Variants in CD226 observed in about 807,000 individuals in gnomAD.
The protein encoded by CD226 is CD226 antigen.
Under a neutral mutation model 34.9 loss-of-function variants are expected in CD226, and 24 were observed. That is an observed-to-expected ratio of 0.69 (90% confidence interval 0.50 to 0.97). CD226 has a LOEUF of 0.97. Ranked by LOEUF, CD226 falls within the 50% of genes least tolerant of loss-of-function variation. The pLI is 0.00. For missense variants in CD226, 397 were observed against 412.7 expected, an observed-to-expected ratio of 0.96 and a Z score of 0.33; for synonymous variants, 148 against 147.4, an observed-to-expected ratio of 1.00 and a Z score of -0.03.
intron 3 of CD226, among the ~76,000 whole-genome samples, chr18:69,879,967 C>T (rs552537625): frequency 3.7e-4 from 56 of 152,294 alleles, no homozygotes; most frequent in Non-Finnish European, 7.5e-4. Context: ...CACAGGTTTA[C>T]GCTGTGTCAA....
chr18:69,856,924 G>A lies in CD226; in HGVS notation c.*7390C>T, dbSNP rs559627538. 1 of 152,192 alleles carries A rather than the reference G, an allele frequency of 6.6e-6. No individual in the cohort carries two copies. Among genetic ancestry groups the A allele is most frequent in the African/African-American group, 2.4e-5 (1 of 41,540 alleles). The allele number at this position is 152,192 out of a possible 1,614,324, so 9.4% of individuals were successfully genotyped here. On this transcript the variant is annotated 3_prime_UTR_variant, in exon 6 of 6. Transcript: ENST00000582621. ...TGGCTCACTCCTGTAATCCCAGCAC[G>A]TTGGGAGGCCGAGGCGGGCGGATCA...
At chr18:69,951,543 G>A (rs1309960794), upstream of CD226, among the ~76,000 whole-genome samples, 1 of 152,100 alleles carries the variant, frequency 6.6e-6, no homozygotes, top group Non-Finnish European at 1.5e-5. Context: ...TGAATGTGGG[G>A]CTCAGATGGC....
At chr18:69,886,565 G>T (rs991301535) in intron 3 of CD226, among the ~76,000 whole-genome samples, 1 of 152,062 alleles carries the variant, frequency 6.6e-6, no homozygotes, top group Non-Finnish European at 1.5e-5. Context: ...AATTAGCTGG[G>T]CATGGTGGCA....
intron 2 of CD226, among the ~76,000 whole-genome samples, chr18:69,944,028 A>G (rs759341542): frequency 6.6e-6 from 1 of 150,600 alleles, no homozygotes; most frequent in Non-Finnish European, 1.5e-5. Flanking sequence ...TTTACAGTAT[A>G]CAAAAGTACA....
chr18:69,871,713 C>T (rs975201109), intron 4 of CD226, among the ~76,000 whole-genome samples: 1 of 152,184 alleles, frequency 6.6e-6, no homozygotes, highest in African/African-American at 2.4e-5. Flanking sequence ...AATGGGTGTG[C>T]TTCAGTTTCC....
chr18:69,907,175 C>A (rs2055265018), intron 2 of CD226, among the ~76,000 whole-genome samples: 1 of 152,174 alleles, frequency 6.6e-6, no homozygotes, highest in Non-Finnish European at 1.5e-5. Context: ...CTAATGGGTC[C>A]TTTTCACATT....
At chr18:69,919,082 A>G (rs554208491) in intron 2 of CD226, among the ~76,000 whole-genome samples, 16 of 152,386 alleles carry the variant, frequency 1.0e-4, no homozygotes, top group African/African-American at 1.4e-4. Context: ...TGAAGAAAAA[A>G]GAGCCGAAAG....
rs1409858025 is a variant in CD226, at chr18:69,895,896, A to G, written c.532T>C (p.Tyr178His). Residue 178 changes from tyrosine to histidine, a missense_variant, in exon 3 of 6, where the codon TAC (tyrosine) becomes CAC (histidine). Tyr to His is a moderately conservative substitution (Grantham distance 83). Transcript: ENST00000582621. ...TTTCTGCCATGGACCAAGTTGCAGT[A>G]AGTTAAGAGGTCGATCTGACGGGGC... ...IQPRQIDLLTYCNLVHGRNFT... is the reference protein window; with the variant it reads ...IQPRQIDLLTHCNLVHGRNFT... 2 of 1,614,028 alleles carry G rather than the reference A, an allele frequency of 1.2e-6. No individual in the cohort carries two copies. Among genetic ancestry groups the G allele is most frequent in the African/African-American group, 1.3e-5 (1 of 74,904 alleles).
chr18:69,892,890 T>G (rs1283559567), intron 3 of CD226, among the ~76,000 whole-genome samples: 2 of 152,224 alleles, frequency 1.3e-5, no homozygotes, highest in African/African-American at 4.8e-5. Context: ...TACAGCAATT[T>G]ATAAAATCTG....
intron 3 of CD226, among the ~76,000 whole-genome samples, chr18:69,877,264 G>T (rs892390611): frequency 6.6e-6 from 1 of 152,112 alleles, no homozygotes; most frequent in African/African-American, 2.4e-5. Context: ...TAGAGCTCAA[G>T]AAAACACATT....
intron 2 of CD226, among the ~76,000 whole-genome samples, chr18:69,945,591 T>C (rs2055779354): frequency 1.3e-5 from 2 of 152,158 alleles, no homozygotes; most frequent in Non-Finnish European, 2.9e-5. Context: ...TGGTGGTTCA[T>C]GCCAGTAATC....
Position 69,857,949 on chromosome 18 carries a change from A to G in CD226, c.*6365T>C, listed in dbSNP as rs1982658610. On this transcript the variant is annotated 3_prime_UTR_variant, in exon 6 of 6. Coordinates refer to ENST00000582621, the MANE Select transcript of CD226 (RefSeq NM_001303618.2). ...GTAGTATGTTACCAAAAAAAATGGTAGTTCTTGTAAAGGTATACCTGTGTC... is the reference window on the plus strand; with the variant it reads ...GTAGTATGTTACCAAAAAAAATGGTGGTTCTTGTAAAGGTATACCTGTGTC... 1 of 152,218 alleles carries G rather than the reference A, an allele frequency of 6.6e-6. No homozygotes were observed. 9.4% of individuals were successfully genotyped at this position (152,218 alleles called of 1,614,324 possible). A position where few individuals can be genotyped will look rare whatever the true frequency, so the allele number is the denominator to read the frequency against.
intron 2 of CD226, among the ~76,000 whole-genome samples, chr18:69,923,706 C>T (rs1397269569): frequency 6.6e-6 from 1 of 152,298 alleles, no homozygotes; most frequent in East Asian, 1.9e-4. Flanking sequence ...GTAATCCCAG[C>T]ACTTTGGGAG....
chr18:69,910,342 T>C (rs1392240600), intron 2 of CD226, among the ~76,000 whole-genome samples: 1 of 152,194 alleles, frequency 6.6e-6, no homozygotes, highest in Non-Finnish European at 1.5e-5. Flanking sequence ...GCTGCGTGGA[T>C]ATGAGGTACC....
At chr18:69,868,490 T>A (rs1300625738) in intron 4 of CD226, among the ~76,000 whole-genome samples, 4 of 152,258 alleles carry the variant, frequency 2.6e-5, no homozygotes, top group African/African-American at 9.6e-5. Flanking sequence ...TACCTTATTC[T>A]ATGTGCATTT....
At chr18:69,870,271 C>G (rs1023411354) in intron 4 of CD226, among the ~76,000 whole-genome samples, 1 of 141,782 alleles carries the variant, frequency 7.1e-6, no homozygotes, top group East Asian at 2.1e-4. Context: ...TTTGGCTCCC[C>G]CTTTTTTTTT....
intron 2 of CD226, among the ~76,000 whole-genome samples, chr18:69,915,774 C>T (rs73464754): frequency 7.0e-4 from 106 of 152,262 alleles, no homozygotes; most frequent in African/African-American, 2.4e-3. Flanking sequence ...TATCATTTTA[C>T]ACTCTCAATT....
chr18:69,906,769 G>A (rs143057860), intron 2 of CD226, among the ~76,000 whole-genome samples: 3 of 152,264 alleles, frequency 2.0e-5, no homozygotes, highest in African/African-American at 4.8e-5. Context: ...CTTGGGTTTC[G>A]CTAAGCAATA....
chr18:69,912,883 TTCTC>T (rs149090692), intron 2 of CD226, among the ~76,000 whole-genome samples: 1 of 152,024 alleles, frequency 6.6e-6, no homozygotes, highest in Admixed American at 6.5e-5. Flanking sequence ...TGGGATCTGT[TTCTC>T]TCTCTCTCCT....
Sources: allele counts gnomAD v4.1 joint callset (sites outside exome capture counted in the v4.1 genomes callset), GRCh38; gene constraint gnomAD v4.1.1; transcripts MANE v1.5; gene names NCBI Gene and HGNC (gene_info 2026-07-23, HGNC 2026-07-21).